PRDM11: variants seen among roughly 807,000 people sequenced by gnomAD.
PRDM11 encodes PR/SET domain 11.
Under a neutral mutation model 97.8 loss-of-function variants are expected in PRDM11, and 20 were observed. The ratio of observed to expected loss-of-function variants is 0.20; its 90% CI spans 0.14 to 0.30. The LOEUF is 0.30. PRDM11 is among the 10% of genes least tolerant of loss of function. PRDM11 has a pLI of 1.00. For synonymous variants in PRDM11, 599 were observed against 637.7 expected, an observed-to-expected ratio of 0.94 and a Z score of 0.91; for missense variants, 1,139 against 1,555.2, an observed-to-expected ratio of 0.73 and a Z score of 4.50.
intron 1 of PRDM11, among the ~76,000 whole-genome samples, chr11:45,128,767 G>GA (rs1218046052): frequency 6.6e-6 from 1 of 151,798 alleles, no homozygotes; most frequent in Non-Finnish European, 1.5e-5. Flanking sequence ...AACTATTTCA[G>GA]AAAAAAGAGA....
At chr11:45,189,399 T>C (rs1049660944) in intron 4 of PRDM11, among the ~76,000 whole-genome samples, 2 of 152,144 alleles carry the variant, frequency 1.3e-5, no homozygotes, top group Non-Finnish European at 2.9e-5. Flanking sequence ...TATAATGACC[T>C]CTATCTGCAC....
intron 1 of PRDM11, among the ~76,000 whole-genome samples, chr11:45,170,115 G>A (rs1852165789): frequency 1.3e-5 from 2 of 152,150 alleles, no homozygotes; most frequent in African/African-American, 2.4e-5. Flanking sequence ...GGCTGAGGCG[G>A]GCAAATCACC....
intron 1 of PRDM11, among the ~76,000 whole-genome samples, chr11:45,124,015 T>C (rs1337599647): frequency 1.3e-5 from 2 of 149,174 alleles, no homozygotes; most frequent in African/African-American, 4.9e-5. Flanking sequence ...TCCTCTTTTA[T>C]TTCATTGAGC....
At chr11:45,151,947 C>T (rs969464787) in intron 1 of PRDM11, among the ~76,000 whole-genome samples, 12 of 152,178 alleles carry the variant, frequency 7.9e-5, no homozygotes, top group Non-Finnish European at 1.0e-4. Flanking sequence ...TAACACTAAT[C>T]CTGGTCCTCG....
At chr11:45,220,365 T>C (rs191398359) in intron 6 of PRDM11, among the ~76,000 whole-genome samples, 3 of 152,320 alleles carry the variant, frequency 2.0e-5, no homozygotes, top group Non-Finnish European at 4.4e-5. Context: ...ATCCCTACCC[T>C]GTCAGTGCAC....
intron 4 of PRDM11, among the ~76,000 whole-genome samples, chr11:45,193,745 A>G (rs1852999106): frequency 1.3e-5 from 2 of 152,188 alleles, no homozygotes; most frequent in South Asian, 2.1e-4. Flanking sequence ...TAGAACGACA[A>G]TCATTTACTC....
intron 1 of PRDM11, among the ~76,000 whole-genome samples, chr11:45,149,361 C>A (rs1436855436): frequency 6.6e-6 from 1 of 152,256 alleles, no homozygotes; most frequent in South Asian, 2.1e-4. Flanking sequence ...TCTATCCTCT[C>A]CTAGATCTCT....
chr11:45,164,685 A>G (rs1168738986), intron 1 of PRDM11, among the ~76,000 whole-genome samples: 1 of 152,182 alleles, frequency 6.6e-6, no homozygotes, highest in Non-Finnish European at 1.5e-5. Flanking sequence ...AACTTGGGCT[A>G]AATCTAAAGG....
rs1317179339 is a variant in PRDM11, at chr11:45,226,507, A to C, written c.1882A>C (p.Met628Leu). The change falls in exon 8 of 8, where the codon ATG (methionine) becomes CTG (leucine). Residue 628 changes from methionine to leucine, a missense_variant. By Grantham distance (15) the Met-to-Leu change is conservative (BLOSUM62 2). Around this residue, in one of 2 missense-constraint regions of PRDM11, gnomAD observed 710 missense variants for 1,044.9 expected, o/e 0.68. Coordinates refer to ENST00000683152, the MANE Select transcript of PRDM11 (RefSeq NM_001384648.1). ...KCELKVVDQY[M>L]NEGDCQILIH... ...TGAGCTCAAGGTGGTGGACCAGTAC[A>C]TGAATGAGGGAGACTGCCAGATCCT... 6.5e-7 allele frequency: 1 copy of C among 1,533,844 alleles called. No homozygotes were observed. The highest frequency in any genetic ancestry group is 8.7e-7 in the Non-Finnish European group (1 of 1,146,738).
At chr11:45,143,913 C>G (rs1851454680), upstream of PRDM11, among the ~76,000 whole-genome samples, 1 of 152,190 alleles carries the variant, frequency 6.6e-6, no homozygotes, top group Non-Finnish European at 1.5e-5. Context: ...TTCTGACTTT[C>G]AGGCCCAACT....
In PRDM11 at chr11:45,181,969, G is replaced by A. The variant is rs570309129; in HGVS notation, c.119+84G>A. On this transcript the variant is annotated intron_variant, in intron 2 of 7. Coordinates refer to ENST00000683152, the MANE Select transcript of PRDM11 (RefSeq NM_001384648.1). ...CGGTTGGTTGGGAACCCTGGGAAACGTTCTCACTCCTTGCCCACCTTCCCT... is the reference window on the plus strand; with the variant it reads ...CGGTTGGTTGGGAACCCTGGGAAACATTCTCACTCCTTGCCCACCTTCCCT... The A allele has an allele frequency of 8.0e-4, 1,003 of 1,257,140 alleles. 1 individual carries two copies. The highest frequency in any genetic ancestry group is 8.5e-4 in the Non-Finnish European group (763 of 899,420). The allele number at this position is 1,257,140 out of a possible 1,614,324, so 77.9% of individuals were successfully genotyped here.
chr11:45,144,360 C>A (rs1454221027), upstream of PRDM11, among the ~76,000 whole-genome samples: 1 of 152,180 alleles, frequency 6.6e-6, no homozygotes, highest in African/African-American at 2.4e-5. Context: ...ACGCCTGAAG[C>A]GCTGACTCCC....
At chr11:45,142,660 G>T (rs1050208063), upstream of PRDM11, among the ~76,000 whole-genome samples, 1 of 152,160 alleles carries the variant, frequency 6.6e-6, no homozygotes, top group Non-Finnish European at 1.5e-5. Context: ...AAAAAATGGC[G>T]ATGATGATCT....
At chr11:45,137,324 T>A (rs1852884817) in intron 1 of PRDM11, among the ~76,000 whole-genome samples, 1 of 151,362 alleles carries the variant, frequency 6.6e-6, no homozygotes, top group South Asian at 2.1e-4. Context: ...CCCCAGCTAC[T>A]CGGGAGGCTG....
At chr11:45,162,277 G>T (rs80154750) in intron 1 of PRDM11, among the ~76,000 whole-genome samples, 2 of 152,106 alleles carry the variant, frequency 1.3e-5, no homozygotes, top group Non-Finnish European at 2.9e-5. Context: ...GTGGGCAGGG[G>T]TTGCAGCAGC....
rs956062821 is a variant in PRDM11, at chr11:45,151,217, C to A, written c.-7+4340C>A. Among the ~76,000 whole-genome samples, 116 of 152,298 alleles carry A rather than the reference C, an allele frequency of 7.6e-4. 1 individual carries two copies. The highest frequency in any genetic ancestry group is 2.6e-3 in the African/African-American group (110 of 41,560). Reference sequence around the variant, plus strand: ...AAAACTGCCTGGTGCATCTCTACCTCCTGCTGGAGGCTGAGACTCCTTGGA... The same window carrying A: ...AAAACTGCCTGGTGCATCTCTACCTACTGCTGGAGGCTGAGACTCCTTGGA... On this transcript the variant is annotated intron_variant, in intron 1 of 7. Coordinates refer to ENST00000683152, the MANE Select transcript of PRDM11 (RefSeq NM_001384648.1).
At chr11:45,176,841 T>C (rs1279370498) in intron 1 of PRDM11, among the ~76,000 whole-genome samples, 5 of 152,218 alleles carry the variant, frequency 3.3e-5, no homozygotes, top group Non-Finnish European at 1.5e-5. Context: ...TCACATGGTA[T>C]ACTGTTAAGG....
chr11:45,190,731 A>G (rs914255865), intron 4 of PRDM11, among the ~76,000 whole-genome samples: 1 of 152,238 alleles, frequency 6.6e-6, no homozygotes, highest in Non-Finnish European at 1.5e-5. Flanking sequence ...AAAACTTTAT[A>G]TGAACACTGA....
chr11:45,156,384 C>A (rs1023073073), intron 1 of PRDM11, among the ~76,000 whole-genome samples: 1 of 152,188 alleles, frequency 6.6e-6, no homozygotes, highest in Non-Finnish European at 1.5e-5. Context: ...GGGGTCCAGA[C>A]GTACACACCT....
Sources: allele counts gnomAD v4.1 joint callset (sites outside exome capture counted in the v4.1 genomes callset), GRCh38; gene constraint gnomAD v4.1.1; regional missense constraint gnomAD v4.1.1; transcripts MANE v1.5; gene names NCBI Gene and HGNC (gene_info 2026-07-23, HGNC 2026-07-21).